ERCC8: variants seen among roughly 807,000 people sequenced by gnomAD.
The protein encoded by ERCC8 is ERCC excision repair 8, CSA ubiquitin ligase complex subunit.
A neutral mutation model predicts 54.9 loss-of-function variants in ERCC8; 52 were observed. That is an observed-to-expected ratio of 0.95 (90% confidence interval 0.76 to 1.19). The LOEUF is 1.19. ERCC8 is among the 50% of genes most tolerant of loss of function. The pLI is 0.00. For missense variants in ERCC8, 514 were observed against 466.1 expected (o/e 1.10, Z -0.95); for synonymous variants, 146 against 157.2 (o/e 0.93, Z 0.53).
At chr5:60,931,780 A>G (rs1471456845) in intron 1 of ERCC8, among the ~76,000 whole-genome samples, 3 of 152,184 alleles carry the variant, frequency 2.0e-5, no homozygotes, top group African/African-American at 7.2e-5. Flanking sequence ...GCTCTTTGTA[A>G]CAAGTAAAAA....
Position 60,898,367 on chromosome 5 carries a change from A to G in ERCC8, c.752T>C (p.Leu251Ser). The G allele has an allele frequency of 6.2e-7, 1 of 1,613,604 alleles. No homozygotes were observed. Among genetic ancestry groups the G allele is most frequent in the Non-Finnish European group, 8.5e-7 (1 of 1,179,630 alleles). ...GTGAAGTCCATCACTTGTAAAACAT[A>G]AGCCATTAACTTTCCCATTATGAGC... ...NTAHNGKVNG[L>S]CFTSDGLHLL... Residue 251 changes from leucine to serine, a missense_variant, in exon 9 of 12, where the codon TTA (leucine) becomes TCA (serine). Transcript: ENST00000676185.
chr5:60,937,354 G>A (rs536932453), intron 1 of ERCC8, among the ~76,000 whole-genome samples: 2 of 152,206 alleles, frequency 1.3e-5, no homozygotes, highest in Non-Finnish European at 2.9e-5. Context: ...GGCCGATAGA[G>A]CTCCCAGGAG....
At chr5:60,937,071 G>A (rs1743188345) in intron 1 of ERCC8, among the ~76,000 whole-genome samples, 1 of 152,204 alleles carries the variant, frequency 6.6e-6, no homozygotes, top group South Asian at 2.1e-4. Flanking sequence ...AACCAGCAGA[G>A]CTACTGGGGT....
At position 60,918,722 on chromosome 5, in the gene ERCC8, G is replaced by A. The variant is rs41544812; in HGVS notation, c.276-334C>T. The A allele has an allele frequency of 3.1e-3, 1,008 of 323,138 alleles. 4 individuals carry two copies. The highest frequency in any genetic ancestry group is 5.1e-3 in the Non-Finnish European group (859 of 168,774). The allele number at this position is 323,138 out of a possible 1,614,324, so 20.0% of individuals were successfully genotyped here. A position where few individuals can be genotyped will look rare whatever the true frequency, so the allele number is the denominator to read the frequency against. On this transcript the variant is annotated intron_variant, in intron 3 of 11. Coordinates refer to ENST00000676185, the MANE Select transcript of ERCC8 (RefSeq NM_000082.4). ...TGATTTGGTCTTACTGGAAGAGACAGCTGTTTTGGTTTTGGATTTGCTTTT... is the reference window on the plus strand; with the variant it reads ...TGATTTGGTCTTACTGGAAGAGACAACTGTTTTGGTTTTGGATTTGCTTTT...
At chr5:60,882,539 C>T (rs1306495045) in intron 11 of ERCC8, among the ~76,000 whole-genome samples, 2 of 152,012 alleles carry the variant, frequency 1.3e-5, no homozygotes, top group African/African-American at 4.8e-5. Flanking sequence ...TGACTACAGG[C>T]GCATGCCACC....
chr5:60,893,069 C>T, intron 9 of ERCC8: 1 of 777,236 alleles, frequency 1.3e-6, no homozygotes, highest in Non-Finnish European at 2.4e-6. Flanking sequence ...CCTTGGGGTC[C>T]AGGTCAATCT....
chr5:60,903,853 T>C (rs933820479), intron 5 of ERCC8, 137 bp from the exon 6 acceptor site: 18 of 811,366 alleles, frequency 2.2e-5, no homozygotes, highest in Non-Finnish European at 3.6e-5. Context: ...AATTACATTG[T>C]CATTTTTAAT....
intron 11 of ERCC8, among the ~76,000 whole-genome samples, chr5:60,884,712 G>A (rs547230227): frequency 1.3e-5 from 2 of 151,988 alleles, no homozygotes; most frequent in Non-Finnish European, 2.9e-5. Context: ...TCACATTCAT[G>A]TTCTGCCTAT....
Position 60,872,523 on chromosome 5 carries a change from A to C in ERCC8, c.*2092T>G, listed in dbSNP as rs892476277. On this transcript the variant is annotated 3_prime_UTR_variant, in exon 12 of 12. Transcript: ENST00000676185. ...AAAAGAAGACATGCAAATGGCCAGC[A>C]GATATATGAAAAAATTATCAACATC... 6.6e-6 allele frequency among the ~76,000 whole-genome samples: 1 copy of C among 152,224 alleles called. No individual in the cohort carries two copies. Among genetic ancestry groups the C allele is most frequent in the Non-Finnish European group, 1.5e-5 (1 of 68,036 alleles).
At chr5:60,908,573 AT>A (rs937452033) in intron 4 of ERCC8, among the ~76,000 whole-genome samples, 11 of 92,296 alleles carry the variant, frequency 1.2e-4, no homozygotes, top group Non-Finnish European at 1.6e-4. Context: ...ACATATATAT[AT>A]ATATATATAT....
intron 1 of ERCC8, among the ~76,000 whole-genome samples, chr5:60,944,232 A>G (rs1750354800): frequency 6.6e-6 from 1 of 152,016 alleles, no homozygotes; most frequent in Non-Finnish European, 1.5e-5. Flanking sequence ...TCTCTCCACT[A>G]TCTTTATTCT....
rs565268268 is a variant in ERCC8 at position 60,870,371 on chromosome 5, C to T, written c.*4244G>A. Among the ~76,000 whole-genome samples, 61 of 149,770 alleles carry T rather than the reference C, an allele frequency of 4.1e-4. No homozygotes were observed. The highest frequency in any genetic ancestry group is 6.8e-4 in the Non-Finnish European group (46 of 67,766). On this transcript the variant is annotated 3_prime_UTR_variant, in exon 12 of 12. Transcript: ENST00000676185. ...AGAGAAGTCGAAGTCAGGCCCGGCA[C>T]GGTGGCTCACGCCTGTAAATCCCAG...
chr5:60,898,751 C>G (rs1748789707), intron 8 of ERCC8, among the ~76,000 whole-genome samples: 1 of 149,428 alleles, frequency 6.7e-6, no homozygotes, highest in East Asian at 2.0e-4. Flanking sequence ...ACCTAAAAAT[C>G]ATTCTATGGA....
At chr5:60,882,582 T>C (rs1376371903) in intron 11 of ERCC8, among the ~76,000 whole-genome samples, 1 of 151,976 alleles carries the variant, frequency 6.6e-6, no homozygotes, top group Admixed American at 6.6e-5. Flanking sequence ...AGAGATGGGG[T>C]TTCACCATAT....
At chr5:60,920,717 T>C (rs2112520955) in intron 3 of ERCC8, among the ~76,000 whole-genome samples, 1 of 152,086 alleles carries the variant, frequency 6.6e-6, no homozygotes, top group African/African-American at 2.4e-5. Context: ...AGAATCTGAA[T>C]CCAAGAATAA....
Position 60,899,719 on chromosome 5 carries a change from C to A in ERCC8, c.626G>T (p.Ser209Ile). ...TCTCACATCCCATAATTTTACTCTA[C>A]TGTCAGCACTGAGAAGAAATAAATG... ...DYILATASAD[S>I]RVKLWDVRRA... The change falls in exon 8 of 12, where the codon AGT (serine) becomes ATT (isoleucine). Residue 209 changes from serine (S) to isoleucine (I), a missense_variant. By Grantham distance (142) the Ser-to-Ile change is moderately radical. Transcript: ENST00000676185. 1 of 1,607,612 alleles carries A rather than the reference C, an allele frequency of 6.2e-7. No homozygotes were observed. Among genetic ancestry groups the A allele is most frequent in the Non-Finnish European group, 8.5e-7 (1 of 1,174,832 alleles).
intron 11 of ERCC8, among the ~76,000 whole-genome samples, chr5:60,879,996 G>T (rs540168263): frequency 6.0e-4 from 91 of 152,284 alleles, no homozygotes; most frequent in Middle Eastern, 3.4e-3. Flanking sequence ...TTTTGCAGTG[G>T]CTGGTACCGG....
chr5:60,940,599 C>A (rs900131512), intron 1 of ERCC8, among the ~76,000 whole-genome samples: 1 of 152,156 alleles, frequency 6.6e-6, no homozygotes, highest in Non-Finnish European at 1.5e-5. Context: ...CAGAACTCAT[C>A]CCTGAGTGAG....
chr5:60,876,737 T>C (rs1748021873), intron 11 of ERCC8, among the ~76,000 whole-genome samples: 1 of 152,246 alleles, frequency 6.6e-6, no homozygotes, highest in Admixed American at 6.5e-5. Flanking sequence ...GTTTGTTTTT[T>C]TCTTGTAAAT....
Sources: allele counts gnomAD v4.1 joint callset (sites outside exome capture counted in the v4.1 genomes callset), GRCh38; gene constraint gnomAD v4.1.1; transcripts MANE v1.5; gene names NCBI Gene and HGNC (gene_info 2026-07-23, HGNC 2026-07-21).